SMARCC1: variants seen among roughly 807,000 people sequenced by gnomAD.
SMARCC1 encodes the protein SWI/SNF related BAF chromatin remodeling complex subunit C1, also known as SWI/SNF complex subunit SMARCC1.
Under a neutral mutation model 147.4 loss-of-function variants are expected in SMARCC1, and 43 were observed. That is an observed-to-expected ratio of 0.29 (90% CI 0.23 to 0.38). The LOEUF (loss-of-function observed/expected upper bound fraction) is 0.38. SMARCC1 is among the 10% of genes least tolerant of loss of function. The pLI is 1.00. For synonymous variants in SMARCC1, 495 were observed against 484.4 expected (o/e 1.02, Z -0.29); for missense variants, 1,119 against 1,381.1 (o/e 0.81, Z 3.01).
intron 19 of SMARCC1, among the ~76,000 whole-genome samples, chr3:47,664,331 C>G (rs1426666846): frequency 6.6e-6 from 1 of 152,128 alleles, no homozygotes; most frequent in Non-Finnish European, 1.5e-5. Flanking sequence ...ATATTGTGTT[C>G]ATTCATTAGA....
At chr3:47,769,149 T>C (rs2034876267) in intron 2 of SMARCC1, among the ~76,000 whole-genome samples, 1 of 133,108 alleles carries the variant, frequency 7.5e-6, no homozygotes, top group Non-Finnish European at 1.5e-5. Context: ...AGGCGGAGGC[T>C]GCAGTGAGCC....
chr3:47,589,524 A>C (rs1197596053), intron 27 of SMARCC1, among the ~76,000 whole-genome samples: 1 of 152,218 alleles, frequency 6.6e-6, no homozygotes, highest in Non-Finnish European at 1.5e-5. Flanking sequence ...TTTTCTTGCC[A>C]AGAAAAAGAG....
chr3:47,604,214 G>A (rs761744674), intron 26 of SMARCC1: 1 of 456,810 alleles, frequency 2.2e-6, no homozygotes, highest in Middle Eastern at 3.3e-4. Context: ...ACCACTAACT[G>A]ATGGAGAGTT....
intron 14 of SMARCC1, 36 bp from the exon 15 acceptor site, chr3:47,680,544 CTTTTTTTT>C (rs34432748): frequency 7.1e-5 from 26 of 364,386 alleles, no homozygotes; most frequent in Non-Finnish European, 1.0e-4. Flanking sequence ...TAGGAGTGTT[CTTTTTTTT>C]TTTTTTTTTT....
chr3:47,620,734 G>C (rs768776238), intron 25 of SMARCC1, among the ~76,000 whole-genome samples: 26 of 152,140 alleles, frequency 1.7e-4, no homozygotes, highest in Non-Finnish European at 3.5e-4. Context: ...GTATAGGAGA[G>C]GGAAGAGAAG....
At chr3:47,730,978 T>C (rs1559656901) in intron 5 of SMARCC1, among the ~76,000 whole-genome samples, 2 of 152,114 alleles carry the variant, frequency 1.3e-5, no homozygotes, top group South Asian at 4.1e-4. Context: ...AAGGTGGTGG[T>C]TGCTGAAGGT....
intron 1 of SMARCC1, among the ~76,000 whole-genome samples, chr3:47,779,204 C>G (rs1343342458): frequency 6.6e-6 from 1 of 151,910 alleles, no homozygotes; most frequent in Non-Finnish European, 1.5e-5. Context: ...TGTACTCCAG[C>G]CTGGGCAACA....
At chr3:47,628,440 G>A (rs1053239724) in intron 24 of SMARCC1, among the ~76,000 whole-genome samples, 4 of 152,114 alleles carry the variant, frequency 2.6e-5, no homozygotes, top group South Asian at 2.1e-4. Flanking sequence ...AAAAATTAAG[G>A]GCTTTGTTCT....
At chr3:47,714,370 A>T (rs774732329) in intron 8 of SMARCC1, 45 bp downstream of exon 8, 14 of 1,250,966 alleles carry the variant, frequency 1.1e-5, no homozygotes, top group Admixed American at 1.8e-5. Context: ...CTCAAAAAAA[A>T]TTTTAAAAAG....
At chr3:47,686,896 A>T (rs1366594989) in intron 13 of SMARCC1, among the ~76,000 whole-genome samples, 1 of 152,190 alleles carries the variant, frequency 6.6e-6, no homozygotes, top group African/African-American at 2.4e-5. Context: ...GAAGTCAGCA[A>T]GATTGCTTGA....
Position 47,662,581 on chromosome 3 carries a change from C to T in SMARCC1, c.1911G>A (p.Met637Ile), listed in dbSNP as rs756170779. The stretch of plus-strand genomic sequence containing the variant: ...ACACTTTGTTCCAATCATCCTTGTA[C>T]ATCTCCAGGGCCTAAGACAGAAAAA... ...ETLLLLEALE[M>I]YKDDWNKVSE... is the part of the protein sequence containing the mutation. The change falls in exon 20 of 28, where the codon ATG (methionine) becomes ATA (isoleucine). Residue 637 changes from methionine (M) to isoleucine (I), a missense_variant. Coordinates refer to ENST00000254480, the MANE Select transcript of SMARCC1 (RefSeq NM_003074.4). 42 of 1,613,952 alleles carry T rather than the reference C, an allele frequency of 2.6e-5. No homozygotes were observed. Among genetic ancestry groups the T allele is most frequent in the Non-Finnish European group, 3.5e-5 (41 of 1,179,884 alleles).
Position 47,590,786 on chromosome 3 carries a change from C to A in SMARCC1, c.3095G>T (p.Arg1032Leu). ...SMMPGQHMPGRMIPTVAANIH... is the reference protein window; with the variant it reads ...SMMPGQHMPGLMIPTVAANIH... The stretch of plus-strand genomic sequence containing the variant: ...GTTGGCTGCAACAGTGGGAATCATG[C>A]GGCCTGGCATGTGCTGCCCGGGCAT... The change falls in exon 27 of 28, where the codon CGC becomes CTC. Residue 1032 changes from arginine (R) to leucine (L), a missense_variant. By Grantham distance (102) the Arg-to-Leu change is moderately radical. Transcript: ENST00000254480. 6.2e-7 allele frequency: 1 copy of A among 1,602,846 alleles called. No homozygotes were observed. Among genetic ancestry groups the A allele is most frequent in the Non-Finnish European group, 8.5e-7 (1 of 1,175,596 alleles).
chr3:47,735,692 T>C (rs543277944), intron 5 of SMARCC1, among the ~76,000 whole-genome samples: 4 of 152,072 alleles, frequency 2.6e-5, no homozygotes, highest in African/African-American at 9.6e-5. Context: ...AGGCAGAGGA[T>C]GCAATGAACC....
At chr3:47,778,646 T>C (rs905299605) in intron 1 of SMARCC1, among the ~76,000 whole-genome samples, 4 of 152,156 alleles carry the variant, frequency 2.6e-5, no homozygotes, top group East Asian at 1.9e-4. Context: ...AAAAAGTCTA[T>C]TATATTTTAT....
At chr3:47,657,182 C>T (rs942300140) in intron 21 of SMARCC1, among the ~76,000 whole-genome samples, 1 of 152,042 alleles carries the variant, frequency 6.6e-6, no homozygotes, top group African/African-American at 2.4e-5. Flanking sequence ...TTTCAATACC[C>T]CACTTTCAAT....
intron 2 of SMARCC1, among the ~76,000 whole-genome samples, chr3:47,764,171 G>C (rs2034808410): frequency 6.6e-6 from 1 of 152,012 alleles, no homozygotes; most frequent in Non-Finnish European, 1.5e-5. Context: ...CAAGTAGTTG[G>C]GACCACAATC....
rs931585590 is a variant in SMARCC1 at position 47,636,680 on chromosome 3, G to A, written c.2377-544C>T. Among the ~76,000 whole-genome samples the A allele has an allele frequency of 1.5e-4, 23 of 151,968 alleles. 1 individual carries two copies. The South Asian group carries it at 3.5e-3, about 23-fold the overall frequency. On this transcript the variant is annotated intron_variant, in intron 22 of 27. Coordinates refer to ENST00000254480, the MANE Select transcript of SMARCC1 (RefSeq NM_003074.4). ...AGGCAGGAGAATCCCTTGAACACCC[G>A]GGAGGCAGAGATTGCAGTGACCCAA...
intron 19 of SMARCC1, among the ~76,000 whole-genome samples, chr3:47,669,494 T>C (rs2033468704): frequency 6.6e-6 from 1 of 152,158 alleles, no homozygotes; most frequent in Non-Finnish European, 1.5e-5. Flanking sequence ...GATATGGCTA[T>C]ACAAAATAGT....
intron 7 of SMARCC1, among the ~76,000 whole-genome samples, chr3:47,718,520 A>C (rs539782984): frequency 7.5e-4 from 114 of 152,236 alleles, no homozygotes; most frequent in African/African-American, 2.3e-3. Flanking sequence ...TGCTATAAAT[A>C]ATATGAGAAG....
Sources: gnomAD v4.1 joint callset for allele counts (sites outside exome capture counted in the v4.1 genomes callset) on GRCh38, gnomAD v4.1.1 for gene constraint, MANE v1.5 for transcripts, NCBI Gene and HGNC (gene_info 2026-07-23, HGNC 2026-07-21) for gene names.